Variants in TSPAN18 observed in about 807,000 individuals in gnomAD.
TSPAN18 encodes the protein tetraspanin 18.
TSPAN18 carries 14 observed loss-of-function variants against 27.3 expected under a neutral mutation model. The observed-to-expected ratio is 0.51, with a 90% CI of 0.34 to 0.80. TSPAN18 has a LOEUF of 0.80. TSPAN18 is among the 30% of genes least tolerant of loss of function. The pLI is 0.01. For missense variants in TSPAN18, 268 were observed against 323.9 expected (o/e 0.83, Z 1.32); for synonymous variants, 143 against 136.5 (o/e 1.05, Z -0.33).
intron 8 of TSPAN18, among the ~76,000 whole-genome samples, chr11:44,921,709 G>A (rs10769096): frequency 0.24 from 36,367 of 152,138 alleles, 5,776 homozygotes; most frequent in African/African-American, 0.44. Context: ...TGAAAGACCA[G>A]TGAATTTGTA....
At chr11:44,900,503 T>A (rs1859219309) in intron 3 of TSPAN18, among the ~76,000 whole-genome samples, 1 of 152,040 alleles carries the variant, frequency 6.6e-6, no homozygotes, top group South Asian at 2.1e-4. Flanking sequence ...GAGCCTCAGT[T>A]CCCTCCTCTG....
intron 2 of TSPAN18, among the ~76,000 whole-genome samples, chr11:44,776,063 G>A (rs1855799500): frequency 6.6e-6 from 1 of 152,212 alleles, no homozygotes; most frequent in African/African-American, 2.4e-5. Context: ...AGGATCCTGT[G>A]GGGCGTCTGG....
At chr11:44,914,436 A>G (rs904902119) in intron 5 of TSPAN18, among the ~76,000 whole-genome samples, 1 of 152,188 alleles carries the variant, frequency 6.6e-6, no homozygotes, top group Non-Finnish European at 1.5e-5. Flanking sequence ...CTTCCCAGCC[A>G]TAGTGTTGCA....
intron 2 of TSPAN18, among the ~76,000 whole-genome samples, chr11:44,808,288 A>G (rs1856643409): frequency 6.6e-6 from 1 of 152,188 alleles, no homozygotes. Context: ...GGAAACCTCT[A>G]CCATCTTCCT....
At chr11:44,790,235 T>TTG (rs945833979) in intron 2 of TSPAN18, among the ~76,000 whole-genome samples, 2 of 138,778 alleles carry the variant, frequency 1.4e-5, no homozygotes, top group Admixed American at 7.1e-5. Context: ...GTCCATGTGT[T>TTG]TGTGTGTGCC....
intron 2 of TSPAN18, among the ~76,000 whole-genome samples, chr11:44,807,408 GTCCCA>G (rs1856621344): frequency 6.7e-6 from 1 of 149,574 alleles, no homozygotes; most frequent in Admixed American, 6.6e-5. Context: ...CGTGCCTGTA[GTCCCA>G]GCTACTTGGG....
At chr11:44,864,204 T>C (rs1857972413) in intron 3 of TSPAN18, among the ~76,000 whole-genome samples, 1 of 150,964 alleles carries the variant, frequency 6.6e-6, no homozygotes, top group Non-Finnish European at 1.5e-5. Flanking sequence ...GGAGAATTGC[T>C]TGAACCTGGA....
rs117984097 is a variant in TSPAN18, at chr11:44,857,935, A to G, written c.-152-2393A>G. The stretch of plus-strand genomic sequence containing the variant: ...GACACACGCCCTCCTGAATGTCTCT[A>G]GTTCACACTCTATTTTAAACAGTCT... On this transcript the variant is annotated intron_variant, in intron 2 of 9. Transcript: ENST00000520358. 2.2e-3 allele frequency among the ~76,000 whole-genome samples: 329 copies of G among 152,172 alleles called. 9 individuals are homozygous for G. The East Asian group carries it at 0.046, about 21-fold the overall frequency.
At chr11:44,876,839 ACT>A (rs1275206678) in intron 3 of TSPAN18, among the ~76,000 whole-genome samples, 2 of 151,968 alleles carry the variant, frequency 1.3e-5, no homozygotes, top group Non-Finnish European at 2.9e-5. Flanking sequence ...ATATATGGAG[ACT>A]CTCAGCTTCT....
Position 44,930,859 on chromosome 11 carries a change from C to T in TSPAN18, c.*1681C>T, listed in dbSNP as rs1202860906. 2 of 516,418 alleles carry T rather than the reference C, an allele frequency of 3.9e-6. No homozygotes were observed. The highest frequency in any genetic ancestry group is 2.0e-5 in the Admixed American group (1 of 48,894). 32.0% of individuals were successfully genotyped at this position (516,418 alleles called of 1,614,324 possible). On this transcript the variant is annotated 3_prime_UTR_variant, in exon 10 of 10. Coordinates refer to ENST00000520358, the MANE Select transcript of TSPAN18 (RefSeq NM_130783.5). ...CTCTTCTCTCCCCTCTGTCCCTCTT[C>T]AGGAAGAAAGAGCTCATTCTGTCTC... is the stretch of plus-strand genomic sequence containing the variant.
chr11:44,788,693 C>T lies in TSPAN18; in HGVS notation c.-153+24181C>T, dbSNP rs1013720233. ...CTGTCTCCTGACCTTGTGATCTCCC[C>T]GCCTCGGCCTCCCAAAGTGCTGGGA... On this transcript the variant is annotated intron_variant, in intron 2 of 9. Coordinates refer to ENST00000520358, the MANE Select transcript of TSPAN18 (RefSeq NM_130783.5). 3.4e-4 allele frequency among the ~76,000 whole-genome samples: 51 copies of T among 152,044 alleles called. 1 individual carries two copies. The highest frequency in any genetic ancestry group is 9.2e-4 in the African/African-American group (38 of 41,374).
At chr11:44,902,890 C>T (rs1041316481) in intron 3 of TSPAN18, among the ~76,000 whole-genome samples, 4 of 152,168 alleles carry the variant, frequency 2.6e-5, no homozygotes, top group Non-Finnish European at 4.4e-5. Flanking sequence ...ATCCTTGTTG[C>T]TCCACTTTCT....
chr11:44,832,302 G>A (rs554320692), intron 2 of TSPAN18, among the ~76,000 whole-genome samples: 1 of 152,234 alleles, frequency 6.6e-6, no homozygotes, highest in East Asian at 1.9e-4. Flanking sequence ...TATGTTTGTG[G>A]CATCCAGCTC....
At chr11:44,919,141 A>C (rs1325439224) in intron 6 of TSPAN18, 73 bp from the exon 7 acceptor site, 28 of 1,218,006 alleles carry the variant, frequency 2.3e-5, no homozygotes, top group Middle Eastern at 2.3e-4. Flanking sequence ...AAGCAGGTGG[A>C]TGGAGAGACG....
At chr11:44,804,139 G>A (rs1015569873) in intron 2 of TSPAN18, among the ~76,000 whole-genome samples, 1 of 151,124 alleles carries the variant, frequency 6.6e-6, no homozygotes, top group South Asian at 2.1e-4. Flanking sequence ...GTCTCGCTCT[G>A]TCGCCCAGAG....
At chr11:44,738,921 G>A (rs1470332183) in intron 1 of TSPAN18, among the ~76,000 whole-genome samples, 1 of 152,166 alleles carries the variant, frequency 6.6e-6, no homozygotes, top group African/African-American at 2.4e-5. Flanking sequence ...AACAAGTATA[G>A]GAGTGTAAAA....
At chr11:44,825,869 C>T (rs757758897) in intron 2 of TSPAN18, among the ~76,000 whole-genome samples, 1 of 152,196 alleles carries the variant, frequency 6.6e-6, no homozygotes, top group Non-Finnish European at 1.5e-5. Context: ...CTACTGTCTA[C>T]AGGCCTTACA....
chr11:44,753,421 C>T (rs1590420766), intron 1 of TSPAN18, among the ~76,000 whole-genome samples: 1 of 152,180 alleles, frequency 6.6e-6, no homozygotes, highest in African/African-American at 2.4e-5. Context: ...TTTGAGCCAC[C>T]GCACTCAGCC....
chr11:44,857,603 C>T (rs575125188), intron 2 of TSPAN18, among the ~76,000 whole-genome samples: 1 of 152,294 alleles, frequency 6.6e-6, no homozygotes, highest in Non-Finnish European at 1.5e-5. Context: ...CTGGCCTCAA[C>T]GAGTGTGGGA....
Sources: gnomAD v4.1 joint callset for allele counts (sites outside exome capture counted in the v4.1 genomes callset) on GRCh38, gnomAD v4.1.1 for gene constraint, MANE v1.5 for transcripts, NCBI Gene and HGNC (gene_info 2026-07-23, HGNC 2026-07-21) for gene names.